The following DOCK3 variants were observed in gnomAD, a reference collection of about 807,000 sequenced individuals.
DOCK3 encodes dedicator of cytokinesis protein 3.
DOCK3 carries 60 observed loss-of-function variants against 265.6 expected under a neutral mutation model. The observed-to-expected ratio is 0.23, with a 90% CI of 0.18 to 0.28. The LOEUF (loss-of-function observed/expected upper bound fraction) is 0.28, where lower values mean the gene tolerates loss of function less well. Among genes scored for constraint, DOCK3 ranks in the 10% least tolerant of loss-of-function variants. DOCK3 has a pLI of 1.00. For synonymous variants in DOCK3, 881 were observed against 938.0 expected (o/e 0.94, Z 1.11); for missense variants, 1,981 against 2,594.3 (o/e 0.76, Z 5.14).
At chr3:50,787,849 C>T (rs1261611568) in intron 2 of DOCK3, 11 of 1,105,710 alleles carry the variant, frequency 9.9e-6, no homozygotes, top group South Asian at 2.5e-5. Flanking sequence ...GAACAGGAGT[C>T]TCTTTGGATT....
intron 10 of DOCK3, among the ~76,000 whole-genome samples, chr3:51,152,217 C>T (rs2085636172): frequency 6.6e-6 from 1 of 151,834 alleles, no homozygotes; most frequent in Non-Finnish European, 1.5e-5. Context: ...CTCTAAACTT[C>T]TCTTCTCACT....
Position 51,064,481 on chromosome 3 carries a change from C to A in DOCK3, c.349C>A (p.His117Asn). The A allele has an allele frequency of 6.2e-7, 1 of 1,613,976 alleles. No individual in the cohort carries two copies. Among genetic ancestry groups the A allele is most frequent in the South Asian group, 1.1e-5 (1 of 91,076 alleles). ...AGTAGATCTTTTCTACAAACTACGC[C>A]ATGTGATGAATGAACTTATTGACCT... is the stretch of plus-strand genomic sequence containing the variant. ...HKVDLFYKLR[H>N]VMNELIDLRR... Residue 117 changes from histidine to asparagine, a missense_variant, in exon 6 of 53, where the codon CAT (histidine) becomes AAT (asparagine). His to Asn is a moderately conservative substitution (Grantham distance 68, BLOSUM62 1). This residue lies in a region of DOCK3 where 456 missense variants were observed against 539.0 expected (regional missense o/e 0.85). Transcript: ENST00000266037.
rs142746439 is a variant in DOCK3, at chr3:51,195,716, C to A, written c.1038-13058C>A. ...TACAGGCCTGAGCCACTGCGCCTGGCCATTTTGTGTATTTTCATCTTGGTA... is the reference window on the plus strand; with the variant it reads ...TACAGGCCTGAGCCACTGCGCCTGGACATTTTGTGTATTTTCATCTTGGTA... On this transcript the variant is annotated intron_variant, in intron 12 of 52. Transcript: ENST00000266037. Among the ~76,000 whole-genome samples the A allele has an allele frequency of 4.2e-3, 635 of 152,186 alleles. 12 individuals carry two copies. The highest frequency in any genetic ancestry group is 3.4e-3 in the Non-Finnish European group (233 of 68,012).
intron 11 of DOCK3, among the ~76,000 whole-genome samples, chr3:51,160,231 A>G (rs371442687): frequency 6.6e-6 from 1 of 152,264 alleles, no homozygotes; most frequent in Non-Finnish European, 1.5e-5. Context: ...GAGAAGTTTA[A>G]ATTTATTATT....
chr3:50,699,794 C>CA (rs963509162), intron 1 of DOCK3, among the ~76,000 whole-genome samples: 13 of 152,176 alleles, frequency 8.5e-5, no homozygotes, highest in African/African-American at 2.9e-4. Context: ...CCATGGGAGA[C>CA]AAAAGTCTAC....
chr3:50,684,929 TAAATACAAAAA>T (rs1373273280), intron 1 of DOCK3, among the ~76,000 whole-genome samples: 1 of 152,078 alleles, frequency 6.6e-6, no homozygotes, highest in Non-Finnish European at 1.5e-5. Flanking sequence ...GAAATGTCAG[TAAATACAAAAA>T]AAATACAAAA....
chr3:50,843,254 G>A (rs763465403), intron 3 of DOCK3, among the ~76,000 whole-genome samples: 13 of 152,192 alleles, frequency 8.5e-5, no homozygotes, highest in Non-Finnish European at 1.5e-4. Context: ...GAGGTTACCT[G>A]TGGCAACAGT....
intron 5 of DOCK3, among the ~76,000 whole-genome samples, chr3:50,965,515 C>T (rs1416292795): frequency 6.6e-6 from 1 of 151,782 alleles, no homozygotes; most frequent in Non-Finnish European, 1.5e-5. Context: ...AACTTTATGC[C>T]AATAAATTTG....
intron 5 of DOCK3, among the ~76,000 whole-genome samples, chr3:50,960,493 C>T (rs540873485): frequency 1.3e-5 from 2 of 151,984 alleles, no homozygotes; most frequent in East Asian, 1.9e-4. Context: ...ATTTATGTGT[C>T]TTTCTTGGTG....
chr3:50,867,584 G>A (rs1456686227), intron 3 of DOCK3, among the ~76,000 whole-genome samples: 1 of 145,746 alleles, frequency 6.9e-6, no homozygotes, highest in Non-Finnish European at 1.5e-5. Context: ...TTATTATGTT[G>A]AGGTGTGTTC....
chr3:50,846,801 C>T (rs2085584), intron 3 of DOCK3, among the ~76,000 whole-genome samples: 15,063 of 152,108 alleles, frequency 0.099, 916 homozygotes, highest in Non-Finnish European at 0.13. Context: ...TGCTGTAGAT[C>T]TTCTACGTGT....
intron 23 of DOCK3, among the ~76,000 whole-genome samples, chr3:51,268,329 A>G (rs1283115416): frequency 1.3e-5 from 2 of 152,158 alleles, no homozygotes; most frequent in African/African-American, 4.8e-5. Context: ...CTCTGTCTCA[A>G]AAACAAACAA....
At chr3:50,950,405 A>T (rs2108308333) in intron 5 of DOCK3, among the ~76,000 whole-genome samples, 1 of 152,270 alleles carries the variant, frequency 6.6e-6, no homozygotes, top group East Asian at 1.9e-4. Context: ...CTCTGGGAAG[A>T]TTTGCATTTG....
In DOCK3 at chr3:51,223,642, T is replaced by G. The variant is rs569936468; in HGVS notation, c.1253-2007T>G. On this transcript the variant is annotated intron_variant, in intron 14 of 52. Coordinates refer to ENST00000266037, the MANE Select transcript of DOCK3 (RefSeq NM_004947.5). ...CTTAAATTCCATAGGAAAACTAATG[T>G]GCAATTAAAAGACTTTTATAAGAAG... 9.2e-5 allele frequency among the ~76,000 whole-genome samples: 14 copies of G among 152,288 alleles called. No individual in the cohort carries two copies. In the South Asian group the frequency reaches 2.7e-3, roughly 29 times the overall value.
chr3:50,974,498 T>C (rs1330310252), intron 5 of DOCK3, among the ~76,000 whole-genome samples: 1 of 151,978 alleles, frequency 6.6e-6, no homozygotes, highest in Non-Finnish European at 1.5e-5. Flanking sequence ...CATTGATCTA[T>C]ATCTCTGTTT....
At chr3:51,026,310 G>T (rs1040478670) in intron 5 of DOCK3, among the ~76,000 whole-genome samples, 1 of 151,872 alleles carries the variant, frequency 6.6e-6, no homozygotes, top group Non-Finnish European at 1.5e-5. Flanking sequence ...TACCATCCTT[G>T]CATCTCAGGA....
At chr3:50,820,428 G>C (rs541935277) in intron 2 of DOCK3, among the ~76,000 whole-genome samples, 34 of 152,328 alleles carry the variant, frequency 2.2e-4, no homozygotes, top group African/African-American at 7.2e-4. Flanking sequence ...TGTGTATTTA[G>C]TTTTCTGTTC....
At chr3:51,089,195 T>G in intron 7 of DOCK3, 48 bp from the exon 8 acceptor site, 2 of 1,561,104 alleles carry the variant, frequency 1.3e-6, no homozygotes, top group South Asian at 1.2e-5. Flanking sequence ...TTAATAAAAT[T>G]TAGTTTCTTT....
At chr3:51,331,397 A>C (rs1024942354) in intron 33 of DOCK3, among the ~76,000 whole-genome samples, 10 of 152,252 alleles carry the variant, frequency 6.6e-5, no homozygotes, top group African/African-American at 2.4e-4. Flanking sequence ...ACAAATGACT[A>C]CTACAAAGGA....
Sources: allele counts gnomAD v4.1 joint callset (sites outside exome capture counted in the v4.1 genomes callset), GRCh38; gene constraint gnomAD v4.1.1; regional missense constraint gnomAD v4.1.1; transcripts MANE v1.5; gene names NCBI Gene and HGNC (gene_info 2026-07-23, HGNC 2026-07-21).